The following WDR12 variants were observed in gnomAD, a reference collection of about 807,000 sequenced individuals.
The protein encoded by WDR12 is WD repeat domain 12.
A neutral mutation model predicts 64.3 loss-of-function variants in WDR12; 42 were observed. The ratio of observed to expected loss-of-function variants is 0.65; its 90% CI spans 0.51 to 0.84. WDR12 has a LOEUF of 0.84. WDR12 is among the 40% of genes least tolerant of loss of function. WDR12 has a pLI of 0.00. For missense variants in WDR12, 469 were observed against 494.6 expected (o/e 0.95, Z 0.49); for synonymous variants, 158 against 173.3 (o/e 0.91, Z 0.70).
chr2:202,897,926 A>ATATATAT (rs1559162254), intron 4 of WDR12, among the ~76,000 whole-genome samples: 5,137 of 53,548 alleles, frequency 0.096, 518 homozygotes, highest in Non-Finnish European at 0.16. Context: ...TATATATATA[A>ATATATAT]AAAATATATA....
chr2:202,905,175 C>T (rs1688431103), intron 2 of WDR12, among the ~76,000 whole-genome samples: 1 of 152,174 alleles, frequency 6.6e-6, no homozygotes, highest in Admixed American at 6.5e-5. Flanking sequence ...AGACGGAGTC[C>T]TGCTCTGTCA....
chr2:202,882,431 C>G (rs972558057), intron 12 of WDR12, among the ~76,000 whole-genome samples: 3 of 151,922 alleles, frequency 2.0e-5, no homozygotes, highest in African/African-American at 7.3e-5. Context: ...TTGGATCACG[C>G]CATTCTCCTG....
Position 202,899,570 on chromosome 2 carries a change from T to A in WDR12, c.299A>T (p.His100Leu). 2 of 1,614,218 alleles carry A rather than the reference T, an allele frequency of 1.2e-6. No homozygotes were observed. Among genetic ancestry groups the A allele is most frequent in the South Asian group, 2.2e-5 (2 of 91,088 alleles). The change falls in exon 4 of 13, where the codon CAT becomes CTT. Residue 100 changes from histidine (H) to leucine (L), a missense_variant. Physicochemically the swap from His to Leu is moderately conservative, Grantham distance 99. Transcript: ENST00000261015. ...TTTAATTGAACTGATCCAGTCATCA[T>A]GGAACATGCATTGCTCTGGCTGGGG... is the stretch of plus-strand genomic sequence containing the variant. ...TAPQPEQCMF[H>L]DDWISSIKGA...
chr2:202,881,769 C>T (rs1465486443), intron 12 of WDR12, among the ~76,000 whole-genome samples: 4 of 152,004 alleles, frequency 2.6e-5, no homozygotes, highest in African/African-American at 9.7e-5. Flanking sequence ...GGGAGGATTG[C>T]TTGAACCCAG....
At chr2:202,896,773 T>A (rs562907502) in intron 5 of WDR12, among the ~76,000 whole-genome samples, 20 of 151,770 alleles carry the variant, frequency 1.3e-4, no homozygotes, top group African/African-American at 4.8e-4. Context: ...TGGATCATGA[T>A]GTCAGGAGTT....
chr2:202,891,219 T>C (rs1378838304), intron 8 of WDR12, among the ~76,000 whole-genome samples: 1 of 152,192 alleles, frequency 6.6e-6, no homozygotes, highest in East Asian at 1.9e-4. Context: ...TTGCTCAGGC[T>C]AGAGTCCAGT....
In WDR12 at chr2:202,911,426, G is replaced by A; in HGVS notation, c.41+10C>T. The A allele has an allele frequency of 5.6e-6, 9 of 1,613,930 alleles. No homozygotes were observed. Among genetic ancestry groups the A allele is most frequent in the Non-Finnish European group, 7.6e-6 (9 of 1,179,842 alleles). On this transcript the variant is annotated intron_variant, in intron 1 of 12. Transcript: ENST00000261015. ...TGGGGAAGGGAGAGAAGGCTGGAAC[G>A]CTTACTTACTTCTTGTTATCAGTGT...
At chr2:202,889,944 T>C (rs1688120145) in intron 8 of WDR12, among the ~76,000 whole-genome samples, 1 of 151,862 alleles carries the variant, frequency 6.6e-6, no homozygotes, top group South Asian at 2.1e-4. Context: ...AGCCTGAGCG[T>C]ATTGGCTCAA....
At position 202,906,013 on chromosome 2, in the gene WDR12, C is replaced by T. The variant is rs189459054; in HGVS notation, c.136+1852G>A. Among the ~76,000 whole-genome samples the T allele has an allele frequency of 2.5e-4, 38 of 152,206 alleles. No individual in the cohort carries two copies. In the East Asian group the frequency reaches 4.1e-3, roughly 16 times the overall value. ...AATTTAATTATACATTTAAAAACAA[C>T]GAAGAGTATAATTGGATTGTTTGTA... On this transcript the variant is annotated intron_variant, in intron 2 of 12. Coordinates refer to ENST00000261015, the MANE Select transcript of WDR12 (RefSeq NM_018256.4).
At chr2:202,901,156 G>A in intron 2 of WDR12, 37 bp from the exon 3 acceptor site, 1 of 1,510,624 alleles carries the variant, frequency 6.6e-7, no homozygotes, top group Non-Finnish European at 9.1e-7. Context: ...CACTCTTAGT[G>A]TCTAAAGTAA....
intron 12 of WDR12, among the ~76,000 whole-genome samples, chr2:202,881,175 C>T (rs917309164): frequency 2.6e-5 from 4 of 152,104 alleles, no homozygotes; most frequent in Non-Finnish European, 5.9e-5. Flanking sequence ...TATGCTGTTG[C>T]ACTTTCTATA....
chr2:202,897,401 G>A lies in WDR12; in HGVS notation c.353C>T (p.Ser118Phe). ...KGAEEWILTG[S>F]YDKTSRIWSL... ...CCAGATCCGAGAAGTCTTATCATAA[G>A]AACCAGTCAAGATCCTATGAGAAAA... Residue 118 changes from serine to phenylalanine, a missense_variant, in exon 5 of 13, where the codon TCT becomes TTT. By Grantham distance (155) the Ser-to-Phe change is radical. Transcript: ENST00000261015. 6.4e-7 allele frequency: 1 copy of A among 1,570,240 alleles called. No homozygotes were observed. The highest frequency in any genetic ancestry group is 8.6e-7 in the Non-Finnish European group (1 of 1,161,884).
At chr2:202,901,238 T>C in intron 2 of WDR12, 119 bp from the exon 3 acceptor site, 1 of 550,210 alleles carries the variant, frequency 1.8e-6, no homozygotes, top group Middle Eastern at 2.8e-4. Flanking sequence ...TGAGTTTCTC[T>C]GTGATTTTTA....
chr2:202,896,316 T>G, intron 5 of WDR12, 97 bp from the exon 6 acceptor site: 3 of 1,323,628 alleles, frequency 2.3e-6, no homozygotes, highest in Non-Finnish European at 3.0e-6. Context: ...TTTGTTGTTA[T>G]TGAAAAAGAT....
intron 4 of WDR12, among the ~76,000 whole-genome samples, chr2:202,898,080 C>T (rs1030026007): frequency 3.8e-4 from 1 of 2,666 alleles, no homozygotes; most frequent in Non-Finnish European, 4.3e-3. Flanking sequence ...ACCACCCCCA[C>T]CCAAAAAAAA....
In WDR12 at chr2:202,909,872, T is replaced by C. The variant is rs964025831; in HGVS notation, c.41+1564A>G. 5.9e-5 allele frequency among the ~76,000 whole-genome samples: 9 copies of C among 152,250 alleles called. No homozygotes were observed. The South Asian group carries it at 1.9e-3, about 32-fold the overall frequency. On this transcript the variant is annotated intron_variant, in intron 1 of 12. Transcript: ENST00000261015. ...TGCAGTTGCATTGATCCTGGCTCAC[T>C]GCAACCTCTGCCTCTCAGGCTCAAG...
At chr2:202,904,156 AAAAAAAAAGAAAAG>A (rs1688410211) in intron 2 of WDR12, among the ~76,000 whole-genome samples, 2 of 149,764 alleles carry the variant, frequency 1.3e-5, no homozygotes, top group African/African-American at 2.4e-5. Context: ...AAAAAAAAAA[AAAAAAAAAGAAAAG>A]AAAAAGAAAA....
intron 2 of WDR12, among the ~76,000 whole-genome samples, chr2:202,906,308 C>T (rs1255546642): frequency 6.6e-6 from 1 of 152,122 alleles, no homozygotes; most frequent in South Asian, 2.1e-4. Flanking sequence ...ACAGGAAATG[C>T]TATGTAAATA....
At chr2:202,903,203 C>A (rs899063345) in intron 2 of WDR12, among the ~76,000 whole-genome samples, 3 of 152,162 alleles carry the variant, frequency 2.0e-5, no homozygotes, top group African/African-American at 7.2e-5. Flanking sequence ...AGCATATGAT[C>A]ATTTCAATTG....
Sources: gnomAD v4.1 joint callset for allele counts (sites outside exome capture counted in the v4.1 genomes callset) on GRCh38, gnomAD v4.1.1 for gene constraint, MANE v1.5 for transcripts, NCBI Gene and HGNC (gene_info 2026-07-23, HGNC 2026-07-21) for gene names.